The following DYM variants were observed in gnomAD, a reference collection of about 807,000 sequenced individuals.
DYM encodes dymeclin.
DYM carries 78 observed loss-of-function variants against 93.1 expected under a neutral mutation model. The ratio of observed to expected loss-of-function variants is 0.84; its 90% CI spans 0.70 to 1.01. The LOEUF is 1.01. Among genes scored for constraint, DYM ranks in the 50% least tolerant of loss-of-function variants. DYM has a pLI of 0.00. For synonymous variants in DYM, 321 were observed against 319.7 expected (o/e 1.00, Z -0.04); for missense variants, 789 against 845.0 (o/e 0.93, Z 0.82).
chr18:49,222,068 A>C (rs964283955), intron 13 of DYM, among the ~76,000 whole-genome samples: 3 of 152,004 alleles, frequency 2.0e-5, no homozygotes, highest in Non-Finnish European at 4.4e-5. Flanking sequence ...TTATATACTC[A>C]GTGGGTTATA....
At chr18:49,421,854 A>G (rs2073750727) in intron 2 of DYM, among the ~76,000 whole-genome samples, 2 of 152,232 alleles carry the variant, frequency 1.3e-5, no homozygotes, top group Non-Finnish European at 2.9e-5. Flanking sequence ...ACTACGGGAC[A>G]CATGCACAAG....
At chr18:49,092,529 T>C (rs1306730825) in intron 17 of DYM, among the ~76,000 whole-genome samples, 1 of 152,342 alleles carries the variant, frequency 6.6e-6, no homozygotes, top group East Asian at 1.9e-4. Flanking sequence ...TCCTGAAAGA[T>C]GATACATTTT....
At chr18:49,422,907 G>C (rs111702961) in intron 2 of DYM, among the ~76,000 whole-genome samples, 12,105 of 152,108 alleles carry the variant, frequency 0.08, 704 homozygotes, top group East Asian at 0.31. Context: ...CAAGTCCTTA[G>C]AGACCTACAA....
chr18:49,201,988 A>T (rs1054897934), intron 14 of DYM, among the ~76,000 whole-genome samples: 1 of 152,220 alleles, frequency 6.6e-6, no homozygotes, highest in African/African-American at 2.4e-5. Flanking sequence ...ATTAGTCAGG[A>T]CAGGAACTCT....
chr18:49,292,363 C>G (rs866317260), intron 8 of DYM, among the ~76,000 whole-genome samples: 1,086 of 107,838 alleles, frequency 0.01, 12 homozygotes, highest in African/African-American at 0.041. Flanking sequence ...CAGACACACA[C>G]ACACACACAC....
At chr18:49,261,518 C>G (rs771955330) in intron 11 of DYM, among the ~76,000 whole-genome samples, 28 of 152,120 alleles carry the variant, frequency 1.8e-4, no homozygotes, top group Non-Finnish European at 3.7e-4. Flanking sequence ...TAAAAATTAG[C>G]CAGGCGAGGT....
chr18:49,103,593 G>A lies in DYM; in HGVS notation c.1912-6078C>T, dbSNP rs574960509. 5.4e-3 allele frequency among the ~76,000 whole-genome samples: 822 copies of A among 152,180 alleles called. 7 individuals carry two copies. The highest frequency in any genetic ancestry group is 0.019 in the African/African-American group (778 of 41,514). The stretch of plus-strand genomic sequence containing the variant: ...CCATCTTGAATTAATTTTTGTATAA[G>A]GTGTAAGGAAGGGATCCAGTTTCAG... On this transcript the variant is annotated intron_variant, in intron 16 of 17. Transcript: ENST00000675505.
At chr18:49,413,430 C>T (rs940903566) in intron 2 of DYM, among the ~76,000 whole-genome samples, 7 of 152,062 alleles carry the variant, frequency 4.6e-5, no homozygotes, top group Admixed American at 2.6e-4. Flanking sequence ...CTTACGTTAG[C>T]GAATCCTTTT....
chr18:49,331,010 G>C (rs1049415729), intron 8 of DYM, among the ~76,000 whole-genome samples: 1 of 152,208 alleles, frequency 6.6e-6, no homozygotes, highest in African/African-American at 2.4e-5. Flanking sequence ...CCCAACACTA[G>C]TAAGTTATCA....
At chr18:49,370,990 T>C (rs2066987513) in intron 5 of DYM, among the ~76,000 whole-genome samples, 1 of 152,132 alleles carries the variant, frequency 6.6e-6, no homozygotes, top group Non-Finnish European at 1.5e-5. Flanking sequence ...CACTGAGAAG[T>C]AAGCAAACGC....
At chr18:49,414,801 C>T (rs1408133401) in intron 2 of DYM, among the ~76,000 whole-genome samples, 3 of 152,158 alleles carry the variant, frequency 2.0e-5, no homozygotes. Flanking sequence ...CTTCCTTACA[C>T]TTGACACTTC....
At chr18:49,179,776 G>A (rs2089740675) in intron 14 of DYM, among the ~76,000 whole-genome samples, 1 of 152,104 alleles carries the variant, frequency 6.6e-6, no homozygotes, top group Admixed American at 6.6e-5. Context: ...GTATGTAAAT[G>A]CTTTGATATT....
chr18:49,236,758 C>A (rs1020814112), intron 13 of DYM, among the ~76,000 whole-genome samples: 5 of 152,174 alleles, frequency 3.3e-5, no homozygotes, highest in African/African-American at 1.2e-4. Flanking sequence ...TCCGTAGGAG[C>A]CGGGCCTGCA....
Position 49,258,440 on chromosome 18 carries a change from CA to C in DYM, c.1304del (p.Leu435TrpfsTer5). 6.2e-7 allele frequency: 1 copy of C among 1,613,592 alleles called. No homozygotes were observed. On this transcript the variant is annotated frameshift_variant, in exon 12 of 18. Transcript: ENST00000675505. LOFTEE classifies it high-confidence loss of function. The stretch of plus-strand genomic sequence containing the variant: ...TTACCACCAGGATCAGGAGACTCCC[CA>C]AGGAGATTTCAGTTAAAACTCGTTC... Reference protein sequence around the residue: ...YSERVLTEISLGSLLILVVIR... With the variant: ...YSERVLTEISXGSLLILVVIR...
chr18:49,263,871 A>G (rs1157661632), intron 11 of DYM, among the ~76,000 whole-genome samples: 1 of 152,240 alleles, frequency 6.6e-6, no homozygotes, highest in African/African-American at 2.4e-5. Context: ...CCTCAGCCAT[A>G]CTAGCTACAT....
At chr18:49,283,764 G>A (rs2095048902) in intron 9 of DYM, among the ~76,000 whole-genome samples, 1 of 152,140 alleles carries the variant, frequency 6.6e-6, no homozygotes, top group African/African-American at 2.4e-5. Flanking sequence ...ATTTCTAAAA[G>A]CTGTGCTCTT....
intron 17 of DYM, among the ~76,000 whole-genome samples, chr18:49,073,831 C>T (rs1021189069): frequency 1.2e-4 from 18 of 152,140 alleles, no homozygotes; most frequent in African/African-American, 4.3e-4. Flanking sequence ...AAGACACATT[C>T]TTTTTTTGAC....
At chr18:49,332,115 G>A (rs981072593) in intron 7 of DYM, 109 bp from the exon 8 acceptor site, 12 of 1,149,032 alleles carry the variant, frequency 1.0e-5, no homozygotes, top group African/African-American at 1.5e-5. Flanking sequence ...AATACAAAAG[G>A]GCTATTGGCA....
chr18:49,270,203 C>T (rs1018526620), intron 11 of DYM, among the ~76,000 whole-genome samples: 1 of 152,182 alleles, frequency 6.6e-6, no homozygotes, highest in Non-Finnish European at 1.5e-5. Flanking sequence ...TCTCACAATG[C>T]TTCCCAATTG....
Sources: allele counts gnomAD v4.1 joint callset (sites outside exome capture counted in the v4.1 genomes callset), GRCh38; gene constraint gnomAD v4.1.1; transcripts MANE v1.5; gene names NCBI Gene and HGNC (gene_info 2026-07-23, HGNC 2026-07-21).